The following TUT4 variants were observed in gnomAD, a reference collection of about 807,000 sequenced individuals.
TUT4 encodes terminal uridylyltransferase 4.
Under a neutral mutation model 192.2 loss-of-function variants are expected in TUT4, and 36 were observed. That is an observed-to-expected ratio of 0.19 (90% CI 0.14 to 0.25). The LOEUF (loss-of-function observed/expected upper bound fraction) is 0.25. Among genes scored for constraint, TUT4 ranks in the 10% least tolerant of loss-of-function variants. The pLI is 1.00. For synonymous variants in TUT4, 618 were observed against 666.0 expected (o/e 0.93, Z 1.11); for missense variants, 1,493 against 1,957.2 (o/e 0.76, Z 4.47).
intron 1 of TUT4, chr1:52,534,982 C>T (rs1245581756): frequency 3.3e-5 from 5 of 152,162 alleles, no homozygotes; most frequent in African/African-American, 1.2e-4. Context: ...ACCTTTTTTA[C>T]TGACCTGTTT....
intron 17 of TUT4, 29 bp downstream of exon 17, chr1:52,461,683 G>T: frequency 6.5e-7 from 1 of 1,536,746 alleles, no homozygotes. Flanking sequence ...AATTTATTTT[G>T]TTTTACAGAT....
intron 15 of TUT4, among the ~76,000 whole-genome samples, chr1:52,465,966 G>A (rs1174619952): frequency 2.0e-5 from 3 of 151,760 alleles, no homozygotes; most frequent in Non-Finnish European, 4.4e-5. Context: ...CTACAGTCTT[G>A]AACTCCTTGC....
chr1:52,472,552 A>T (rs1029218320), intron 13 of TUT4, among the ~76,000 whole-genome samples: 5 of 150,696 alleles, frequency 3.3e-5, no homozygotes, highest in Admixed American at 1.3e-4. Flanking sequence ...TTAAATTAAT[A>T]AATTAATTAA....
chr1:52,537,174 A>C (rs1685147325), intron 1 of TUT4, among the ~76,000 whole-genome samples: 1 of 152,156 alleles, frequency 6.6e-6, no homozygotes, highest in Admixed American at 6.5e-5. Context: ...AAAATAAATA[A>C]ATAAATAAAA....
At chr1:52,493,287 TAGTCAGGCTGG>T (rs1671650590) in intron 7 of TUT4, among the ~76,000 whole-genome samples, 1 of 152,156 alleles carries the variant, frequency 6.6e-6, no homozygotes, top group South Asian at 2.1e-4. Flanking sequence ...TTCAGCATGT[TAGTCAGGCTGG>T]TCCCAAACGC....
intron 15 of TUT4, among the ~76,000 whole-genome samples, chr1:52,466,292 C>A (rs1312079931): frequency 6.6e-6 from 1 of 151,946 alleles, no homozygotes; most frequent in South Asian, 2.1e-4. Context: ...GTGGGAGGAT[C>A]GTTTGAGACC....
At chr1:52,516,286 T>C (rs1176753640) in intron 2 of TUT4, among the ~76,000 whole-genome samples, 1 of 152,132 alleles carries the variant, frequency 6.6e-6, no homozygotes, top group Admixed American at 6.5e-5. Context: ...GTTCTTCCAA[T>C]CTATCCATCA....
intron 24 of TUT4, among the ~76,000 whole-genome samples, chr1:52,444,541 T>C (rs925079996): frequency 7.9e-5 from 12 of 151,792 alleles, no homozygotes; most frequent in African/African-American, 2.2e-4. Context: ...GTCAATTTCA[T>C]TGGACTGAAG....
intron 28 of TUT4, among the ~76,000 whole-genome samples, chr1:52,428,668 G>C (rs145013623): frequency 1.3e-5 from 2 of 149,308 alleles, no homozygotes; most frequent in Non-Finnish European, 3.0e-5. Flanking sequence ...ATGGTGGTGC[G>C]CACCTGTAGT....
chr1:52,530,942 G>A (rs1379856152), intron 1 of TUT4, among the ~76,000 whole-genome samples: 2 of 152,154 alleles, frequency 1.3e-5, no homozygotes, highest in Non-Finnish European at 2.9e-5. Context: ...GGGAGAGGTT[G>A]CAGTGACCTG....
intron 3 of TUT4, among the ~76,000 whole-genome samples, chr1:52,513,992 T>C (rs903385686): frequency 2.0e-5 from 3 of 152,186 alleles, no homozygotes; most frequent in African/African-American, 4.8e-5. Context: ...ATGAACAGAA[T>C]TGAATTATTT....
intron 15 of TUT4, among the ~76,000 whole-genome samples, chr1:52,465,436 A>C (rs1663826546): frequency 6.6e-6 from 1 of 152,188 alleles, no homozygotes; most frequent in Admixed American, 6.5e-5. Context: ...ACTTTGCCCC[A>C]AATCTATTAC....
chr1:52,443,430 T>C (rs775263520), intron 24 of TUT4, among the ~76,000 whole-genome samples: 4 of 143,922 alleles, frequency 2.8e-5, no homozygotes, highest in Admixed American at 1.4e-4. Context: ...CTACTAAAAA[T>C]ACAAAAAAAT....
chr1:52,436,436 A>T (rs759930090), intron 26 of TUT4, among the ~76,000 whole-genome samples: 19 of 152,200 alleles, frequency 1.2e-4, no homozygotes, highest in Non-Finnish European at 2.4e-4. Context: ...CAGTGAGCCG[A>T]GATCGCGCCA....
intron 1 of TUT4, among the ~76,000 whole-genome samples, chr1:52,527,963 G>A (rs1380689305): frequency 6.6e-6 from 1 of 151,900 alleles, no homozygotes; most frequent in Non-Finnish European, 1.5e-5. Flanking sequence ...CAGATCACAA[G>A]GTCAGGAGTT....
chr1:52,466,682 A>ATATATATATTTTTTTTTT (rs372853314), intron 15 of TUT4, among the ~76,000 whole-genome samples: 1 of 123,844 alleles, frequency 8.1e-6, no homozygotes, highest in African/African-American at 3.2e-5. Flanking sequence ...ATATATATAT[A>ATATATATATTTTTTTTTT]TTTTTGAGAC....
In TUT4 at chr1:52,462,688, T is replaced by C. The variant is rs577740866; in HGVS notation, c.3070-919A>G. The C allele has an allele frequency of 5.1e-6, 5 of 977,550 alleles. No individual in the cohort carries two copies. In the African/African-American group the frequency reaches 8.7e-5, roughly 17 times the overall value. 60.6% of individuals were successfully genotyped at this position (977,550 alleles called of 1,614,324 possible). ...TAAGCCTTTAAATCTGTGAGTTATT[T>C]ATTATAATTATGTTGATATGGAAAA... On this transcript the variant is annotated intron_variant, in intron 16 of 29. Coordinates refer to ENST00000257177, the MANE Select transcript of TUT4 (RefSeq NM_001009881.3).
intron 24 of TUT4, among the ~76,000 whole-genome samples, chr1:52,442,714 C>T (rs1203184605): frequency 1.3e-5 from 2 of 152,050 alleles, no homozygotes; most frequent in Non-Finnish European, 2.9e-5. Flanking sequence ...ATGAAGATAA[C>T]CTAAATGTCC....
intron 4 of TUT4, among the ~76,000 whole-genome samples, chr1:52,498,242 T>C (rs1185045733): frequency 1.5e-5 from 2 of 135,396 alleles, no homozygotes; most frequent in Non-Finnish European, 3.1e-5. Context: ...TTTCAGTACT[T>C]TTTTTTTTTT....
Sources: allele counts gnomAD v4.1 joint callset (sites outside exome capture counted in the v4.1 genomes callset), GRCh38; gene constraint gnomAD v4.1.1; transcripts MANE v1.5; gene names NCBI Gene and HGNC (gene_info 2026-07-23, HGNC 2026-07-21).